OXR1: variants seen among roughly 807,000 people sequenced by gnomAD.
OXR1 encodes oxidation resistance 1.
In OXR1, 41 loss-of-function variants were observed where a neutral mutation model predicts 104.6. The ratio of observed to expected loss-of-function variants is 0.39; its 90% CI spans 0.31 to 0.51. The LOEUF (loss-of-function observed/expected upper bound fraction) is 0.51. Ranked by LOEUF, OXR1 falls within the 20% of genes least tolerant of loss-of-function variation. OXR1 has a pLI of 0.77. For synonymous variants in OXR1, 348 were observed against 348.4 expected, an observed-to-expected ratio of 1.00 and a Z score of 0.01; for missense variants, 955 against 1,031.9, an observed-to-expected ratio of 0.93 and a Z score of 1.02.
intron 3 of OXR1, among the ~76,000 whole-genome samples, chr8:106,644,365 C>T (rs1823903750): frequency 6.6e-6 from 1 of 152,184 alleles, no homozygotes; most frequent in Non-Finnish European, 1.5e-5. Flanking sequence ...AAAAATGTAA[C>T]TTAATCATTT....
intron 3 of OXR1, among the ~76,000 whole-genome samples, chr8:106,625,679 G>C (rs947440514): frequency 2.0e-5 from 3 of 152,136 alleles, no homozygotes; most frequent in East Asian, 3.9e-4. Flanking sequence ...TTGACAATCT[G>C]AACTAGGGTA....
chr8:106,614,145 G>T (rs1821012898), intron 3 of OXR1, among the ~76,000 whole-genome samples: 1 of 152,122 alleles, frequency 6.6e-6, no homozygotes, highest in South Asian at 2.1e-4. Flanking sequence ...AAAACTACAT[G>T]ATTTCAAAAT....
chr8:106,642,838 G>C (rs1036844095), intron 3 of OXR1, among the ~76,000 whole-genome samples: 8 of 152,194 alleles, frequency 5.3e-5, no homozygotes, highest in Non-Finnish European at 1.0e-4. Context: ...CATTTCAGAG[G>C]GGAAAGCAGT....
intron 2 of OXR1, among the ~76,000 whole-genome samples, chr8:106,512,053 C>T (rs998440088): frequency 1.3e-5 from 2 of 152,100 alleles, no homozygotes; most frequent in East Asian, 1.9e-4. Context: ...AACATTTATA[C>T]GATACTTATG....
In OXR1 at chr8:106,707,118, A is replaced by C; in HGVS notation, c.1597A>C (p.Ile533Leu). The C allele has an allele frequency of 6.2e-7, 1 of 1,613,888 alleles. No individual in the cohort carries two copies. Residue 533 changes from isoleucine (I) to leucine (L), a missense_variant, in exon 9 of 17, where the codon ATT (isoleucine) becomes CTT (leucine). Physicochemically the swap from Ile to Leu is conservative, Grantham distance 5 (BLOSUM62 2). This residue lies in a region of OXR1 where 849 missense variants were observed against 852.9 expected (regional missense o/e 1.00). Coordinates refer to ENST00000517566, the MANE Select transcript of OXR1 (RefSeq NM_001198533.2). Reference protein sequence around the residue: ...QVSQKEAKHKITSADGHIESS... With the variant: ...QVSQKEAKHKLTSADGHIESS... ...GTCACAAAAAGAAGCTAAGCATAAAATTACATCTGCTGATGGACACATAGA... is the reference window on the plus strand; with the variant it reads ...GTCACAAAAAGAAGCTAAGCATAAACTTACATCTGCTGATGGACACATAGA...
At chr8:106,660,908 G>T (rs1209561379) in intron 3 of OXR1, among the ~76,000 whole-genome samples, 1 of 152,128 alleles carries the variant, frequency 6.6e-6, no homozygotes, top group East Asian at 1.9e-4. Context: ...AGCTACCCGG[G>T]AGGCTGAGGC....
intron 1 of OXR1, among the ~76,000 whole-genome samples, chr8:106,297,908 T>G (rs1462144734): frequency 6.6e-6 from 1 of 152,190 alleles, no homozygotes; most frequent in Admixed American, 6.5e-5. Context: ...ATGGAGCAAA[T>G]GTTTAACATG....
Position 106,681,299 on chromosome 8 carries a change from A to G in OXR1, c.304-1900A>G, listed in dbSNP as rs146633817. On this transcript the variant is annotated intron_variant, in intron 4 of 16. Coordinates refer to ENST00000517566, the MANE Select transcript of OXR1 (RefSeq NM_001198533.2). ...ATATTATCTCGGTAACATAGGTTTT[A>G]TATCAGTACATTGTGTAGATGGGGA... 6.0e-3 allele frequency among the ~76,000 whole-genome samples: 913 copies of G among 152,332 alleles called. 5 individuals are homozygous for G. The highest frequency in any genetic ancestry group is 9.0e-3 in the Non-Finnish European group (612 of 68,014).
At chr8:106,447,911 A>G in intron 2 of OXR1, 20 of 1,519,862 alleles carry the variant, frequency 1.3e-5, no homozygotes, top group Non-Finnish European at 1.7e-5. Flanking sequence ...TGGCGGAGGT[A>G]GTGGGTGGAG....
intron 2 of OXR1, among the ~76,000 whole-genome samples, chr8:106,469,540 A>G (rs541269543): frequency 6.6e-6 from 1 of 151,840 alleles, no homozygotes; most frequent in African/African-American, 2.4e-5. Context: ...AATATAAAGG[A>G]ACAAATGTGT....
chr8:106,668,397 A>G (rs550297598), intron 3 of OXR1, among the ~76,000 whole-genome samples: 59 of 152,314 alleles, frequency 3.9e-4, no homozygotes, highest in Non-Finnish European at 8.1e-4. Context: ...CCCAAGCATA[A>G]TAATTTAACT....
chr8:106,745,664 T>A, intron 15 of OXR1, 125 bp from the exon 16 acceptor site: 1 of 497,260 alleles, frequency 2.0e-6, no homozygotes. Flanking sequence ...TGCGGAGCTT[T>A]TTGTGGTGTT....
Position 106,683,244 on chromosome 8 carries a change from A to G in OXR1, c.349A>G (p.Thr117Ala), listed in dbSNP as rs780693120. 3.7e-5 allele frequency: 60 copies of G among 1,605,780 alleles called. No individual in the cohort carries two copies. Among genetic ancestry groups the G allele is most frequent in the Non-Finnish European group, 4.9e-5 (58 of 1,173,014 alleles). ...SLNSIALKFD[T>A]TPNELVQLNK... ...GAATAGCATAGCCCTGAAGTTTGATACAACACCTAACGAACTTGTTCAATT... is the reference window on the plus strand; with the variant it reads ...GAATAGCATAGCCCTGAAGTTTGATGCAACACCTAACGAACTTGTTCAATT... Residue 117 changes from threonine to alanine, a missense_variant, in exon 5 of 17, where the codon ACA becomes GCA. Coordinates refer to ENST00000517566, the MANE Select transcript of OXR1 (RefSeq NM_001198533.2).
chr8:106,747,504 A>G (rs1835491640), intron 16 of OXR1, among the ~76,000 whole-genome samples: 1 of 152,186 alleles, frequency 6.6e-6, no homozygotes, highest in Non-Finnish European at 1.5e-5. Flanking sequence ...TTAGAAGACT[A>G]CTTTTATTCC....
intron 2 of OXR1, among the ~76,000 whole-genome samples, chr8:106,484,674 G>A (rs1471147906): frequency 1.3e-5 from 2 of 151,958 alleles, no homozygotes; most frequent in Non-Finnish European, 2.9e-5. Context: ...ACTACCAAAT[G>A]CTGACAAGGA....
At chr8:106,615,829 T>C (rs1821175111) in intron 3 of OXR1, among the ~76,000 whole-genome samples, 1 of 152,132 alleles carries the variant, frequency 6.6e-6, no homozygotes, top group Non-Finnish European at 1.5e-5. Flanking sequence ...TCTTGGAGAA[T>C]AAGCAACATC....
At chr8:106,683,690 T>G (rs939573982) in intron 5 of OXR1, among the ~76,000 whole-genome samples, 1 of 152,058 alleles carries the variant, frequency 6.6e-6, no homozygotes, top group Admixed American at 6.5e-5. Context: ...CTAGCCTACT[T>G]TTGTTGTTGT....
chr8:106,462,214 A>G (rs1307347787), intron 2 of OXR1, among the ~76,000 whole-genome samples: 1 of 152,198 alleles, frequency 6.6e-6, no homozygotes, highest in Admixed American at 6.6e-5. Flanking sequence ...AACCATTTAG[A>G]GAACTTAAGT....
intron 3 of OXR1, among the ~76,000 whole-genome samples, chr8:106,528,669 A>G (rs1813868897): frequency 6.6e-6 from 1 of 152,242 alleles, no homozygotes; most frequent in African/African-American, 2.4e-5. Flanking sequence ...CATTTAATAA[A>G]AAAGATAACC....
Sources: allele counts gnomAD v4.1 joint callset (sites outside exome capture counted in the v4.1 genomes callset), GRCh38; gene constraint gnomAD v4.1.1; regional missense constraint gnomAD v4.1.1; transcripts MANE v1.5; gene names NCBI Gene and HGNC (gene_info 2026-07-23, HGNC 2026-07-21).